Variants in CHORDC1 observed in about 807,000 individuals in gnomAD.
CHORDC1 encodes cysteine and histidine-rich domain-containing protein 1.
A neutral mutation model predicts 48.3 loss-of-function variants in CHORDC1; 25 were observed. That is an observed-to-expected ratio of 0.52 (90% CI 0.38 to 0.72). CHORDC1 has a LOEUF of 0.72. Among genes scored for constraint, CHORDC1 ranks in the 30% least tolerant of loss-of-function variants. The probability of loss-of-function intolerance (pLI) is 0.00; values close to 1 mark genes in which losing one functional copy is unlikely to be tolerated. For missense variants in CHORDC1, 317 were observed against 388.7 expected (o/e 0.82, Z 1.55); for synonymous variants, 128 against 126.4 (o/e 1.01, Z -0.09).
In CHORDC1 at chr11:90,211,282, T is replaced by C. The variant is rs758712320; in HGVS notation, c.366A>G (p.Ile122Met). The C allele has an allele frequency of 6.2e-6, 10 of 1,609,606 alleles. No homozygotes were observed. In the South Asian group the frequency reaches 9.9e-5, roughly 16 times the overall value. The change falls in exon 5 of 11, where the codon ATA becomes ATG. Residue 122 changes from isoleucine to methionine, a missense_variant. Transcript: ENST00000320585. ...CAAGTGCTTGTTTTAGGGAGGCAGA[T>C]ATTTTTAATTCCAAATTTGTCATTG... The part of the protein sequence containing the change: ...DEPMTNLELK[I>M]SASLKQALDK...
intron 3 of CHORDC1, among the ~76,000 whole-genome samples, chr11:90,214,969 A>T (rs1173825174): frequency 2.0e-5 from 3 of 152,052 alleles, no homozygotes; most frequent in East Asian, 3.8e-4. Flanking sequence ...ATAAGCAGGT[A>T]ACTGATACCT....
chr11:90,219,672 C>G (rs1042756371), intron 1 of CHORDC1, among the ~76,000 whole-genome samples: 14 of 152,216 alleles, frequency 9.2e-5, no homozygotes, highest in Admixed American at 8.5e-4. Context: ...CCTTTATTTC[C>G]CGTAAGGAAT....
intron 4 of CHORDC1, 52 bp downstream of exon 4, chr11:90,213,966 A>T (rs1299161052): frequency 7.0e-7 from 1 of 1,427,852 alleles, no homozygotes; most frequent in Non-Finnish European, 9.6e-7. Flanking sequence ...AGTACCATGC[A>T]CAAGTGCTAC....
At chr11:90,204,793 T>TTATAAAATACATTAACAA (rs1262945328) in intron 8 of CHORDC1, among the ~76,000 whole-genome samples, 1 of 152,046 alleles carries the variant, frequency 6.6e-6, no homozygotes, top group African/African-American at 2.4e-5. Context: ...ATTTAATACA[T>TTATAAAATACATTAACAA]TATAAAATAC....
rs1037588288 is a variant in CHORDC1, at chr11:90,201,117, T to C, written c.*1288A>G. On this transcript the variant is annotated 3_prime_UTR_variant, in exon 11 of 11. Coordinates refer to ENST00000320585, the MANE Select transcript of CHORDC1 (RefSeq NM_012124.3). Reference sequence around the variant, plus strand: ...TAATGGTAGTAGAATGATACATATGTTTTATTCACGAAAATAGTACTTCTG... The same window carrying C: ...TAATGGTAGTAGAATGATACATATGCTTTATTCACGAAAATAGTACTTCTG... 1.6e-4 allele frequency: 25 copies of C among 152,106 alleles called. No individual in the cohort carries two copies. Among genetic ancestry groups the C allele is most frequent in the Middle Eastern group, 6.8e-3 (2 of 294 alleles). The allele number at this position is 152,106 out of a possible 1,614,324, so 9.4% of individuals were successfully genotyped here.
chr11:90,210,795 A>T (rs1370994678), intron 5 of CHORDC1: 13 of 527,108 alleles, frequency 2.5e-5, no homozygotes, highest in South Asian at 1.6e-4. Flanking sequence ...GCAGGACACA[A>T]TTTTTTCCAT....
intron 1 of CHORDC1, among the ~76,000 whole-genome samples, chr11:90,219,284 ACT>A (rs769922635): frequency 5.9e-5 from 9 of 151,642 alleles, no homozygotes; most frequent in Non-Finnish European, 1.0e-4. Context: ...AACAAAAAAA[ACT>A]CTCAAGTTCT....
chr11:90,213,208 GTTC>G (rs1857916731), intron 4 of CHORDC1: 2 of 472,998 alleles, frequency 4.2e-6, no homozygotes, highest in Non-Finnish European at 7.6e-6. Flanking sequence ...GTCTCTTAGG[GTTC>G]TTATCTTGGT....
Position 90,215,166 on chromosome 11 carries a change from GTACT to G in CHORDC1, c.171+4_171+7del, listed in dbSNP as rs1565171750. The G allele has an allele frequency of 6.9e-7, 1 of 1,453,270 alleles. No homozygotes were observed. Among genetic ancestry groups the G allele is most frequent in the Non-Finnish European group, 9.4e-7 (1 of 1,061,302 alleles). The allele number at this position is 1,453,270 out of a possible 1,614,324, so 90.0% of individuals were successfully genotyped here. ...GAAGATAATCTAGAAAAAATAATTA[GTACT>G]TACTACAATGCTTAAGAAATCAGAA... On this transcript the variant is annotated splice_donor_5th_base_variant and intron_variant, in intron 3 of 10. Transcript: ENST00000320585.
At chr11:90,205,638 A>T in intron 7 of CHORDC1, 73 bp from the exon 8 acceptor site, 3 of 959,164 alleles carry the variant, frequency 3.1e-6, no homozygotes, top group Middle Eastern at 2.2e-4. Flanking sequence ...TTTTAGGGAT[A>T]AATCTGATTT....
Position 90,202,399 on chromosome 11 carries a change from T to C in CHORDC1, c.*6A>G. 6.2e-7 allele frequency: 1 copy of C among 1,611,090 alleles called. No homozygotes were observed. The highest frequency in any genetic ancestry group is 8.5e-7 in the Non-Finnish European group (1 of 1,179,218). ...ATAATGTAATAGCCTTCCTTCCATC[T>C]CCCACTCAATCTGTTGTGGCATCTT... is the stretch of plus-strand genomic sequence containing the variant. On this transcript the variant is annotated 3_prime_UTR_variant, in exon 11 of 11. Transcript: ENST00000320585.
chr11:90,222,621 A>G (rs1236164200), intron 1 of CHORDC1: 3 of 668,200 alleles, frequency 4.5e-6, no homozygotes, highest in East Asian at 5.8e-5. Context: ...TGCGGGGACG[A>G]CGGGGGAAAC....
chr11:90,219,436 G>A (rs915865250), intron 1 of CHORDC1, among the ~76,000 whole-genome samples: 1 of 152,076 alleles, frequency 6.6e-6, no homozygotes, highest in East Asian at 1.9e-4. Flanking sequence ...CCATAAACTG[G>A]CCCCAAAACT....
chr11:90,200,577 G>C lies in CHORDC1; in HGVS notation c.*1828C>G, dbSNP rs971814201. On this transcript the variant is annotated 3_prime_UTR_variant, in exon 11 of 11. Coordinates refer to ENST00000320585, the MANE Select transcript of CHORDC1 (RefSeq NM_012124.3). ...TTTTATCTGGACAAGAAATTCAAAG[G>C]CTCCTTAAGAAGAAAGTAAATACCA... 9.2e-5 allele frequency among the ~76,000 whole-genome samples: 14 copies of C among 151,782 alleles called. No homozygotes were observed. Among genetic ancestry groups the C allele is most frequent in the Non-Finnish European group, 1.8e-4 (12 of 67,826 alleles).
At position 90,205,621 on chromosome 11, in the gene CHORDC1, A is replaced by AC. The variant is rs1857660126; in HGVS notation, c.564-57dup. The AC allele has an allele frequency of 7.2e-6, 8 of 1,104,122 alleles. No homozygotes were observed. The South Asian group carries it at 9.5e-5, about 13-fold the overall frequency. The allele number at this position is 1,104,122 out of a possible 1,614,324, so 68.4% of individuals were successfully genotyped here. A position where few individuals can be genotyped will look rare whatever the true frequency, so the allele number is the denominator to read the frequency against. The stretch of plus-strand genomic sequence containing the variant: ...TAAAATCTCACAACCAATTAAATCC[A>AC]CAAGTATTTTAGGGATAAATCTGAT... On this transcript the variant is annotated intron_variant, in intron 7 of 10. Coordinates refer to ENST00000320585, the MANE Select transcript of CHORDC1 (RefSeq NM_012124.3).
chr11:90,220,135 CT>C (rs1258226365), intron 1 of CHORDC1, among the ~76,000 whole-genome samples: 1 of 152,138 alleles, frequency 6.6e-6, no homozygotes, highest in East Asian at 1.9e-4. Context: ...CAGATAATTC[CT>C]CTTCTTCCAA....
chr11:90,203,261 T>C, intron 9 of CHORDC1, 47 bp downstream of exon 9: 1 of 1,487,242 alleles, frequency 6.7e-7, no homozygotes, highest in African/African-American at 1.4e-5. Context: ...ACATAAAGAA[T>C]GATGTATAGA....
chr11:90,220,435 A>G (rs565689512), intron 1 of CHORDC1, among the ~76,000 whole-genome samples: 1 of 152,334 alleles, frequency 6.6e-6, no homozygotes, highest in East Asian at 1.9e-4. Context: ...GGGTATGCAG[A>G]AGGACATGAA....
intron 5 of CHORDC1, 48 bp from the exon 6 acceptor site, chr11:90,210,642 C>T (rs776363367): frequency 4.2e-6 from 5 of 1,196,982 alleles, no homozygotes; most frequent in South Asian, 2.6e-5. Flanking sequence ...AATAGAACTT[C>T]GCTGTGGCAT....
Sources: gnomAD v4.1 joint callset for allele counts (sites outside exome capture counted in the v4.1 genomes callset) on GRCh38, gnomAD v4.1.1 for gene constraint, MANE v1.5 for transcripts, NCBI Gene and HGNC (gene_info 2026-07-23, HGNC 2026-07-21) for gene names.